PCDH9: variants seen among roughly 807,000 people sequenced by gnomAD.
PCDH9 encodes protocadherin 9.
PCDH9 carries 24 observed loss-of-function variants against 70.6 expected under a neutral mutation model. The observed-to-expected ratio is 0.34, with a 90% confidence interval of 0.25 to 0.48. PCDH9 has a LOEUF of 0.48. PCDH9 is among the 20% of genes least tolerant of loss of function. PCDH9 has a pLI of 0.99. For synonymous variants in PCDH9, 562 were observed against 558.5 expected, an observed-to-expected ratio of 1.01 and a Z score of -0.09; for missense variants, 1,281 against 1,503.6, an observed-to-expected ratio of 0.85 and a Z score of 2.45.
intron 2 of PCDH9, among the ~76,000 whole-genome samples, chr13:67,154,619 CACA>C: frequency 8.9e-6 from 1 of 112,134 alleles, no homozygotes; most frequent in Admixed American, 8.2e-5. Context: ...CACACACACA[CACA>C]CACACACACA....
At chr13:66,668,252 C>A (rs2078123434) in intron 3 of PCDH9, among the ~76,000 whole-genome samples, 1 of 152,066 alleles carries the variant, frequency 6.6e-6, no homozygotes, top group Admixed American at 6.6e-5. Context: ...CATTGGCAAA[C>A]CTTTCTTATA....
intron 2 of PCDH9, chr13:67,221,066 A>T (rs188522382): frequency 5.3e-5 from 8 of 152,254 alleles, no homozygotes; most frequent in Admixed American, 4.6e-4. Context: ...AGCCATAGAA[A>T]TAAAAATCAC....
chr13:67,020,481 C>A (rs535056320), intron 2 of PCDH9, among the ~76,000 whole-genome samples: 13 of 152,182 alleles, frequency 8.5e-5, no homozygotes, highest in Admixed American at 2.6e-4. Flanking sequence ...TAGGACTGAA[C>A]CCCTGAAGAA....
chr13:67,012,971 T>C (rs1163467804), intron 2 of PCDH9, among the ~76,000 whole-genome samples: 4 of 151,940 alleles, frequency 2.6e-5, no homozygotes, highest in Non-Finnish European at 5.9e-5. Context: ...GAAGTCACTG[T>C]ACTCATTTAA....
At chr13:66,511,227 T>A (rs1959453888) in intron 4 of PCDH9, among the ~76,000 whole-genome samples, 1 of 152,218 alleles carries the variant, frequency 6.6e-6, no homozygotes, top group African/African-American at 2.4e-5. Flanking sequence ...AAAATTTTTA[T>A]ATTAGTTTTG....
At position 67,054,058 on chromosome 13, in the gene PCDH9, G is replaced by A. The variant is rs189138074; in HGVS notation, c.3037-150453C>T. On this transcript the variant is annotated intron_variant, in intron 2 of 4. Transcript: ENST00000377865. ...CCCTCCTCCCTCACCACATCCCTACGTTGGGAAAACCAACAACCCAATGTA... is the reference window on the plus strand; with the variant it reads ...CCCTCCTCCCTCACCACATCCCTACATTGGGAAAACCAACAACCCAATGTA... 8.5e-5 allele frequency among the ~76,000 whole-genome samples: 13 copies of A among 152,092 alleles called. No homozygotes were observed. The East Asian group carries it at 1.9e-3, about 23-fold the overall frequency.
chr13:66,487,975 G>C (rs1958973186), intron 4 of PCDH9, among the ~76,000 whole-genome samples: 1 of 152,302 alleles, frequency 6.6e-6, no homozygotes, highest in Non-Finnish European at 1.5e-5. Flanking sequence ...CATCAGCACT[G>C]AGTCCTCAAA....
At chr13:66,400,028 A>G (rs1038146767) in intron 4 of PCDH9, among the ~76,000 whole-genome samples, 3 of 152,226 alleles carry the variant, frequency 2.0e-5, no homozygotes, top group African/African-American at 7.2e-5. Flanking sequence ...TGCAGTCTAC[A>G]GCATTGTTAA....
intron 4 of PCDH9, among the ~76,000 whole-genome samples, chr13:66,480,171 G>A (rs994229441): frequency 6.6e-6 from 1 of 152,170 alleles, no homozygotes; most frequent in Non-Finnish European, 1.5e-5. Flanking sequence ...ATTACTTTGA[G>A]AGGTTCAAGA....
intron 4 of PCDH9, among the ~76,000 whole-genome samples, chr13:66,467,031 T>G (rs1165391852): frequency 2.0e-5 from 3 of 152,032 alleles, no homozygotes; most frequent in Non-Finnish European, 4.4e-5. Flanking sequence ...AAAATTTTGA[T>G]GAAAGATGCC....
At chr13:67,192,605 G>A (rs1317273469) in intron 2 of PCDH9, among the ~76,000 whole-genome samples, 1 of 152,124 alleles carries the variant, frequency 6.6e-6, no homozygotes, top group Non-Finnish European at 1.5e-5. Context: ...GGTGGTATTA[G>A]AAATGTATTA....
intron 2 of PCDH9, among the ~76,000 whole-genome samples, chr13:67,086,590 G>A (rs538289621): frequency 4.6e-5 from 7 of 152,128 alleles, no homozygotes; most frequent in Non-Finnish European, 8.8e-5. Flanking sequence ...GTAAAATTTG[G>A]ATGGAATGTA....
Position 66,568,994 on chromosome 13 carries a change from C to CTTTTTTTTTTTTTTT in PCDH9, c.3340+62201_3340+62215dup, listed in dbSNP as rs61067249. ...TAACCTTCTGTTCTTGGAAACATGTCTTTTTTTTTTTTTTTTTTTTTTTTT... is the reference window on the plus strand; with the variant it reads ...TAACCTTCTGTTCTTGGAAACATGTCTTTTTTTTTTTTTTTTTTTTTTTTTTTTTTTTTTTTTTTT... On this transcript the variant is annotated intron_variant, in intron 4 of 4. Transcript: ENST00000377865. Among the ~76,000 whole-genome samples the CTTTTTTTTTTTTTTT allele has an allele frequency of 4.8e-4, 28 of 58,322 alleles. 3 individuals carry two copies. The highest frequency in any genetic ancestry group is 2.3e-3 in the East Asian group (4 of 1,754). The allele number at this position is 58,322 out of a possible 152,430, so 38.3% of individuals were successfully genotyped here. A position where few individuals can be genotyped will look rare whatever the true frequency, so the allele number is the denominator to read the frequency against.
intron 2 of PCDH9, among the ~76,000 whole-genome samples, chr13:67,071,488 CA>C (rs1290804782): frequency 6.6e-6 from 1 of 152,028 alleles, no homozygotes; most frequent in Non-Finnish European, 1.5e-5. Context: ...CTAAAGTTAC[CA>C]TAATATTTGT....
intron 2 of PCDH9, among the ~76,000 whole-genome samples, chr13:67,055,360 T>C (rs1182425537): frequency 6.6e-6 from 1 of 152,212 alleles, no homozygotes; most frequent in Non-Finnish European, 1.5e-5. Flanking sequence ...TTAAGATAGT[T>C]ACATGTATAT....
chr13:66,489,882 C>T (rs1959005112), intron 4 of PCDH9, among the ~76,000 whole-genome samples: 2 of 152,190 alleles, frequency 1.3e-5, no homozygotes, highest in East Asian at 1.9e-4. Context: ...TGTCCTCAAA[C>T]AGAATAAACC....
intron 4 of PCDH9, among the ~76,000 whole-genome samples, chr13:66,537,138 C>T (rs976185475): frequency 6.6e-6 from 1 of 152,064 alleles, no homozygotes; most frequent in African/African-American, 2.4e-5. Context: ...ATGCCAGAAG[C>T]ATGCTCAGGT....
chr13:66,629,563 G>C (rs540912077), intron 4 of PCDH9, among the ~76,000 whole-genome samples: 16 of 152,316 alleles, frequency 1.1e-4, no homozygotes, highest in African/African-American at 3.8e-4. Flanking sequence ...GATAGTTCTT[G>C]TTCTCCCAAA....
At chr13:66,634,023 G>A (rs2077606059) in intron 3 of PCDH9, among the ~76,000 whole-genome samples, 1 of 152,108 alleles carries the variant, frequency 6.6e-6, no homozygotes, top group Non-Finnish European at 1.5e-5. Flanking sequence ...TAGCTTATTA[G>A]AGTCTGTTTC....
Sources: allele counts gnomAD v4.1 joint callset (sites outside exome capture counted in the v4.1 genomes callset), GRCh38; gene constraint gnomAD v4.1.1; transcripts MANE v1.5; gene names NCBI Gene and HGNC (gene_info 2026-07-23, HGNC 2026-07-21).